RUSC2: variants seen among roughly 807,000 people sequenced by gnomAD.
RUSC2 encodes RUN and SH3 domain containing 2, also known as AP-4 complex accessory subunit RUSC2.
A neutral mutation model predicts 122.2 loss-of-function variants in RUSC2; 34 were observed. The ratio of observed to expected loss-of-function variants is 0.28; its 90% CI spans 0.21 to 0.37. The LOEUF is 0.37. Ranked by LOEUF, RUSC2 falls within the 10% of genes least tolerant of loss-of-function variation. The pLI is 1.00. For missense variants in RUSC2, 1,747 were observed against 1,952.4 expected (o/e 0.89, Z 1.98); for synonymous variants, 784 against 790.0 (o/e 0.99, Z 0.13).
At chr9:35,505,847 T>G (rs756002936) in intron 1 of RUSC2, among the ~76,000 whole-genome samples, 3 of 152,174 alleles carry the variant, frequency 2.0e-5, no homozygotes, top group Non-Finnish European at 2.9e-5. Context: ...TTCCTCAACC[T>G]GACAAAGGGC....
In RUSC2 at chr9:35,557,811, T is replaced by G; in HGVS notation, c.2984-103T>G. 1 of 891,798 alleles carries G rather than the reference T, an allele frequency of 1.1e-6. No homozygotes were observed. Among genetic ancestry groups the G allele is most frequent in the Non-Finnish European group, 1.9e-6 (1 of 525,470 alleles). The allele number at this position is 891,798 out of a possible 1,614,324, so 55.2% of individuals were successfully genotyped here. ...CCCATGTGCAGATGTGGAGACGGAGTAAGTGTGGGAGCCCTTTCCCTGAGG... is the reference window on the plus strand; with the variant it reads ...CCCATGTGCAGATGTGGAGACGGAGGAAGTGTGGGAGCCCTTTCCCTGAGG... On this transcript the variant is annotated intron_variant, in intron 5 of 11. Coordinates refer to ENST00000361226, the MANE Select transcript of RUSC2 (RefSeq NM_014806.5). This position sits in a 1 kb window ranked among gnomAD's most constrained non-coding sequence, Gnocchi z 4.6.
intron 1 of RUSC2, among the ~76,000 whole-genome samples, chr9:35,527,138 G>GTTTT (rs11455572): frequency 1.3e-5 from 2 of 149,176 alleles, no homozygotes; most frequent in Non-Finnish European, 1.5e-5. Flanking sequence ...TCCTTTCGTT[G>GTTTT]TTTTTTTTTT....
Position 35,559,267 on chromosome 9 carries a change from A to G in RUSC2, c.3383A>G (p.His1128Arg), listed in dbSNP as rs1486728074. 1 of 1,613,026 alleles carries G rather than the reference A, an allele frequency of 6.2e-7. No homozygotes were observed. The highest frequency in any genetic ancestry group is 1.3e-5 in the African/African-American group (1 of 75,028). Residue 1128 changes from histidine to arginine, a missense_variant, in exon 9 of 12, where the codon CAC becomes CGC. Coordinates refer to ENST00000361226, the MANE Select transcript of RUSC2 (RefSeq NM_014806.5). ...TTCTGGTTTAATCACCTCTATAACC[A>G]CGAAGGTAATGCCTAGAACCCTGCA... ...LEFWFNHLYNHEDIIQTHYQP... is the reference protein window; with the variant it reads ...LEFWFNHLYNREDIIQTHYQP...
chr9:35,557,372 A>G lies in RUSC2; in HGVS notation c.2984-542A>G, dbSNP rs373515720. 2.3e-4 allele frequency among the ~76,000 whole-genome samples: 35 copies of G among 152,214 alleles called. No individual in the cohort carries two copies. Among genetic ancestry groups the G allele is most frequent in the African/African-American group, 8.4e-4 (35 of 41,540 alleles). Reference sequence around the variant, plus strand: ...GGGCAGGGGAGTGAGGGGTGTACATATGAGATTGTTATGGATTTTGGAGGT... The same window carrying G: ...GGGCAGGGGAGTGAGGGGTGTACATGTGAGATTGTTATGGATTTTGGAGGT... On this transcript the variant is annotated intron_variant, in intron 5 of 11. Transcript: ENST00000361226. The surrounding 1 kb of genome is among the most constrained non-coding windows in gnomAD (Gnocchi z 4.6).
intron 1 of RUSC2, among the ~76,000 whole-genome samples, chr9:35,492,545 G>C (rs1359798821): frequency 6.6e-6 from 1 of 151,880 alleles, no homozygotes; most frequent in Non-Finnish European, 1.5e-5. Context: ...CGAAACGAGA[G>C]CATCATTTTG....
In RUSC2 at chr9:35,560,845, C is replaced by T; in HGVS notation, c.4205C>T (p.Thr1402Ile). Residue 1402 changes from threonine to isoleucine, a missense_variant, in exon 10 of 12, where the codon ACA becomes ATA. Thr to Ile is a moderately conservative substitution (Grantham distance 89). Transcript: ENST00000361226. ...SRKAQREARP[T>I]NRLPSDWLSL... is the part of the protein sequence containing the mutation. ...AAAGCCCAGCGGGAGGCCCGGCCCA[C>T]AAATAGGTGAGAGCCTGCCCATGGT... 2 of 1,536,136 alleles carry T rather than the reference C, an allele frequency of 1.3e-6. No homozygotes were observed.
chr9:35,524,966 A>T, intron 1 of RUSC2, among the ~76,000 whole-genome samples: 2 of 150,962 alleles, frequency 1.3e-5, no homozygotes, highest in Middle Eastern at 3.4e-3. Context: ...GCGAGACTCC[A>T]TCTCAAAAAA....
At position 35,547,174 on chromosome 9, in the gene RUSC2, G is replaced by A; in HGVS notation, c.653G>A (p.Ser218Asn). 1 of 1,614,168 alleles carries A rather than the reference G, an allele frequency of 6.2e-7. No homozygotes were observed. Among genetic ancestry groups the A allele is most frequent in the South Asian group, 1.1e-5 (1 of 91,086 alleles). Residue 218 changes from serine to asparagine, a missense_variant, in exon 2 of 12, where the codon AGC becomes AAC. Transcript: ENST00000361226. This position sits in a 1 kb window ranked among gnomAD's most constrained non-coding sequence, Gnocchi z 4.6. ...GGGAGTGGCAGTGGGGGTGGAGCCA[G>A]CGATACCTCTGGCTTTTCCTTTGAC... is the stretch of plus-strand genomic sequence containing the variant. ...PGGSGSGGGASDTSGFSFDQE... is the reference protein window; with the variant it reads ...PGGSGSGGGANDTSGFSFDQE...
intron 1 of RUSC2, among the ~76,000 whole-genome samples, chr9:35,493,385 T>C (rs1820606683): frequency 6.6e-6 from 1 of 152,220 alleles, no homozygotes; most frequent in South Asian, 2.1e-4. Flanking sequence ...GGTCTGTCAT[T>C]GATGGGTATT....
chr9:35,556,363 C>G lies in RUSC2; in HGVS notation c.2898C>G (p.Ser966=), dbSNP rs1822019581. The stretch of plus-strand genomic sequence containing the variant: ...GCCCTGACTTCCAGGACCCCTTTTC[C>G]TTGACGGAGAAGCCTCCAGCTGAGT... ...LTCPDFQDPF[S]LTEKPPAEFC... Residue 966 remains serine, a synonymous_variant, in exon 5 of 12, where the codon TCC becomes TCG. Coordinates refer to ENST00000361226, the MANE Select transcript of RUSC2 (RefSeq NM_014806.5). 1 of 1,614,230 alleles carries G rather than the reference C, an allele frequency of 6.2e-7. No individual in the cohort carries two copies. Among genetic ancestry groups the G allele is most frequent in the Non-Finnish European group, 8.5e-7 (1 of 1,180,036 alleles).
At chr9:35,545,098 T>A (rs1418022086) in intron 1 of RUSC2, among the ~76,000 whole-genome samples, 1 of 152,236 alleles carries the variant, frequency 6.6e-6, no homozygotes, top group Non-Finnish European at 1.5e-5. Context: ...CCATATTTTT[T>A]ATGCATTGTT....
rs1410537499 is a variant in RUSC2 at position 35,560,338 on chromosome 9, G to A, written c.3698G>A (p.Gly1233Asp). 1 of 1,610,210 alleles carries A rather than the reference G, an allele frequency of 6.2e-7. No individual in the cohort carries two copies. Among genetic ancestry groups the A allele is most frequent in the Non-Finnish European group, 8.5e-7 (1 of 1,178,020 alleles). ...AAQGERVKGV[G>D]ASEGGEEEEE... ...CAAGGGGAGCGGGTGAAGGGTGTGG[G>A]TGCCTCAGAAGGTGGAGAAGAGGAA... Residue 1233 changes from glycine (G) to aspartate (D), a missense_variant, in exon 10 of 12, where the codon GGT becomes GAT. Physicochemically the swap from Gly to Asp is moderately conservative, Grantham distance 94 (BLOSUM62 -1). Transcript: ENST00000361226.
At chr9:35,538,043 C>T (rs756426497) in intron 1 of RUSC2, among the ~76,000 whole-genome samples, 2 of 152,146 alleles carry the variant, frequency 1.3e-5, no homozygotes, top group Non-Finnish European at 2.9e-5. Flanking sequence ...TTTTCTGTGG[C>T]CTAGGAGAGA....
intron 1 of RUSC2, among the ~76,000 whole-genome samples, chr9:35,504,623 GC>G (rs1820879136): frequency 6.6e-6 from 1 of 151,874 alleles, no homozygotes; most frequent in Middle Eastern, 3.2e-3. Flanking sequence ...GCGCCACCAC[GC>G]CCAGCTAATT....
intron 1 of RUSC2, among the ~76,000 whole-genome samples, chr9:35,525,042 T>G (rs2132522613): frequency 6.6e-6 from 1 of 151,068 alleles, no homozygotes; most frequent in East Asian, 1.9e-4. Flanking sequence ...ACACTGGAGG[T>G]TCTGTGAGAG....
chr9:35,532,229 T>C (rs2132531775), intron 1 of RUSC2, among the ~76,000 whole-genome samples: 1 of 152,256 alleles, frequency 6.6e-6, no homozygotes, highest in South Asian at 2.1e-4. Context: ...ATAATAAGTA[T>C]CTGATAGGCT....
chr9:35,494,909 A>T, intron 1 of RUSC2, among the ~76,000 whole-genome samples: 1 of 135,354 alleles, frequency 7.4e-6, no homozygotes, highest in African/African-American at 2.7e-5. Flanking sequence ...TATATATAAT[A>T]TATATTATAC....
In RUSC2 at chr9:35,560,218, G is replaced by T; in HGVS notation, c.3578G>T (p.Arg1193Leu). The change falls in exon 10 of 12, where the codon CGG becomes CTG. Residue 1193 changes from arginine to leucine, a missense_variant. Arg to Leu is a moderately radical substitution (Grantham distance 102). Transcript: ENST00000361226. ...QQQRQHKELL[R>L]VSQDLLLSAH... ...CAGCGGCAGCACAAGGAACTGCTGC[G>T]GGTGTCCCAGGACCTGCTGCTGTCT... 6.2e-7 allele frequency: 1 copy of T among 1,604,180 alleles called. No individual in the cohort carries two copies. Among genetic ancestry groups the T allele is most frequent in the Non-Finnish European group, 8.5e-7 (1 of 1,179,104 alleles).
chr9:35,539,717 G>A (rs1587856987), intron 1 of RUSC2, among the ~76,000 whole-genome samples: 2 of 152,272 alleles, frequency 1.3e-5, no homozygotes, highest in African/African-American at 4.8e-5. Context: ...CAGGGGCAGG[G>A]ACAGTCATTG....
Sources: allele counts gnomAD v4.1 joint callset (sites outside exome capture counted in the v4.1 genomes callset), GRCh38; gene constraint gnomAD v4.1.1; non-coding constraint Gnocchi (gnomAD v3.1); transcripts MANE v1.5; gene names NCBI Gene and HGNC (gene_info 2026-07-23, HGNC 2026-07-21).